Variants in SCEL observed in about 807,000 individuals in gnomAD.
SCEL encodes the protein sciellin.
In SCEL, 113 loss-of-function variants were observed where a neutral mutation model predicts 117.6. The observed-to-expected ratio is 0.96, with a 90% CI of 0.83 to 1.12. The LOEUF (loss-of-function observed/expected upper bound fraction) is 1.12, where lower values mean the gene tolerates loss of function less well. SCEL is among the 50% of genes most tolerant of loss of function. The pLI is 0.00. For synonymous variants in SCEL, 270 were observed against 256.2 expected (o/e 1.05, Z -0.51); for missense variants, 785 against 810.8 (o/e 0.97, Z 0.39).
chr13:77,602,281 G>T, intron 16 of SCEL, 157 bp downstream of exon 16: 1 of 549,642 alleles, frequency 1.8e-6, no homozygotes, highest in East Asian at 3.1e-5. Context: ...GTTGAGTGCT[G>T]TTTCATAGGA....
intron 19 of SCEL, chr13:77,606,573 TA>T (rs1455229551): frequency 1.3e-5 from 2 of 152,182 alleles, no homozygotes; most frequent in Non-Finnish European, 2.9e-5. Context: ...ATACTTCATT[TA>T]GGCAGAAATC....
At chr13:77,627,899 C>T in intron 27 of SCEL, 48 bp from the exon 28 acceptor site, 1 of 754,600 alleles carries the variant, frequency 1.3e-6, no homozygotes, top group Non-Finnish European at 2.1e-6. Flanking sequence ...TTTCTTATTT[C>T]CTATCATTAT....
chr13:77,594,015 TTCCCC>T (rs2087073453), intron 12 of SCEL, among the ~76,000 whole-genome samples: 1 of 828 alleles, frequency 1.2e-3, no homozygotes, highest in Non-Finnish European at 2.3e-3. Flanking sequence ...TTCCTTCTCC[TTCCCC>T]TTCCCCTTAA....
At chr13:77,577,985 T>G (rs2086049522) in intron 9 of SCEL, among the ~76,000 whole-genome samples, 1 of 152,180 alleles carries the variant, frequency 6.6e-6, no homozygotes, top group Admixed American at 6.5e-5. Context: ...TAGAGAATCT[T>G]ATTATCATAA....
At chr13:77,586,849 A>G (rs2086593788) in intron 9 of SCEL, among the ~76,000 whole-genome samples, 1 of 152,060 alleles carries the variant, frequency 6.6e-6, no homozygotes, top group Non-Finnish European at 1.5e-5. Context: ...ATTTATCTTT[A>G]TGTTCTGTGC....
At chr13:77,552,327 C>T (rs971231009) in intron 1 of SCEL, among the ~76,000 whole-genome samples, 7 of 151,574 alleles carry the variant, frequency 4.6e-5, no homozygotes, top group African/African-American at 1.7e-4. Context: ...TAAAAGTGTT[C>T]CTATTTCTCC....
At chr13:77,570,109 T>G (rs1404622888) in intron 8 of SCEL, among the ~76,000 whole-genome samples, 1 of 152,182 alleles carries the variant, frequency 6.6e-6, no homozygotes, top group African/African-American at 2.4e-5. Flanking sequence ...CAAACATCAG[T>G]GCTTTTAAAT....
At chr13:77,562,736 T>C (rs1567353043) in intron 4 of SCEL, among the ~76,000 whole-genome samples, 1 of 152,242 alleles carries the variant, frequency 6.6e-6, no homozygotes, top group Non-Finnish European at 1.5e-5. Flanking sequence ...TTGATTAATA[T>C]AGCAAATGTT....
chr13:77,603,234 A>G, intron 18 of SCEL, 99 bp downstream of exon 18: 3 of 646,146 alleles, frequency 4.6e-6, no homozygotes, highest in East Asian at 2.8e-5. Flanking sequence ...TTTTATTAGC[A>G]TGGAATTAGA....
intron 27 of SCEL, among the ~76,000 whole-genome samples, chr13:77,622,698 CAA>C (rs1457430267): frequency 6.6e-6 from 1 of 151,994 alleles, no homozygotes; most frequent in Non-Finnish European, 1.5e-5. Context: ...CCTGTCTCTA[CAA>C]AAATTAAAAA....
rs778242428 is a variant in SCEL, at chr13:77,604,431, CT to C, written c.1157+17del. The C allele has an allele frequency of 1.2e-5, 18 of 1,555,794 alleles. No individual in the cohort carries two copies. The highest frequency in any genetic ancestry group is 1.6e-5 in the Non-Finnish European group (18 of 1,157,112). On this transcript the variant is annotated intron_variant, in intron 19 of 32. Transcript: ENST00000349847. ...ATATTACGAGGTAAGACATTTAAAGCTCCCCCCTCCCCTTTGTTTGGCATTT... is the reference window on the plus strand; with the variant it reads ...ATATTACGAGGTAAGACATTTAAAGCCCCCCCTCCCCTTTGTTTGGCATTT...
chr13:77,568,977 T>C (rs1324963260), intron 7 of SCEL, among the ~76,000 whole-genome samples: 2 of 152,176 alleles, frequency 1.3e-5, no homozygotes, highest in African/African-American at 4.8e-5. Flanking sequence ...AGACTTAAGA[T>C]GGTATGATTT....
chr13:77,538,302 A>G (rs1181128613), intron 1 of SCEL, among the ~76,000 whole-genome samples: 2 of 152,064 alleles, frequency 1.3e-5, no homozygotes, highest in Non-Finnish European at 2.9e-5. Context: ...TTTTTAGTAT[A>G]GACGGGGTTT....
At position 77,627,944 on chromosome 13, in the gene SCEL, T is replaced by C; in HGVS notation, c.1629-3T>C. On this transcript the variant is annotated splice_region_variant and splice_polypyrimidine_tract_variant and intron_variant, in intron 27 of 32. Transcript: ENST00000349847. ...ATTCATATATATATATTTTTTTCCT[T>C]AGAGACCAGAACCTGGAAAATTTAA... 1 of 1,374,174 alleles carries C rather than the reference T, an allele frequency of 7.3e-7. No individual in the cohort carries two copies. The allele number at this position is 1,374,174 out of a possible 1,614,324, so 85.1% of individuals were successfully genotyped here.
chr13:77,644,126 T>G, intron 32 of SCEL, 132 bp from the exon 33 acceptor site: 1 of 934,092 alleles, frequency 1.1e-6, no homozygotes, highest in Non-Finnish European at 1.7e-6. Flanking sequence ...CCACAGCGAT[T>G]ATTTCAGAAG....
intron 32 of SCEL, 87 bp downstream of exon 32, chr13:77,642,895 A>C: frequency 1.5e-6 from 1 of 665,306 alleles, no homozygotes; most frequent in Non-Finnish European, 2.5e-6. Context: ...TTAATAAAGT[A>C]AAACATTTTA....
chr13:77,607,973 T>C, intron 19 of SCEL, 83 bp from the exon 20 acceptor site: 1 of 1,108,838 alleles, frequency 9.0e-7, no homozygotes, highest in Admixed American at 2.2e-5. Flanking sequence ...TTCTGAGTTT[T>C]AATGAAATAG....
chr13:77,614,552 G>A (rs528211911), intron 24 of SCEL, among the ~76,000 whole-genome samples: 90 of 152,180 alleles, frequency 5.9e-4, no homozygotes, highest in African/African-American at 2.1e-3. Context: ...ACACATTACT[G>A]TTTTATATAT....
intron 24 of SCEL, among the ~76,000 whole-genome samples, chr13:77,616,000 C>CTG (rs1567422727): frequency 3.4e-5 from 3 of 87,642 alleles, no homozygotes; most frequent in African/African-American, 6.1e-5. Flanking sequence ...AAATTTATGT[C>CTG]TCTCTGTGTG....
Sources: gnomAD v4.1 joint callset for allele counts (sites outside exome capture counted in the v4.1 genomes callset) on GRCh38, gnomAD v4.1.1 for gene constraint, MANE v1.5 for transcripts, NCBI Gene and HGNC (gene_info 2026-07-23, HGNC 2026-07-21) for gene names.